Variants in THADA observed in about 807,000 individuals in gnomAD.
The protein encoded by THADA is tRNA (32-2'-O)-methyltransferase regulator THADA.
In THADA, 213 loss-of-function variants were observed where a neutral mutation model predicts 219.8. The ratio of observed to expected loss-of-function variants is 0.97; its 90% CI spans 0.87 to 1.09. THADA has a LOEUF of 1.09. Among genes scored for constraint, THADA ranks in the 50% least tolerant of loss-of-function variants. The pLI is 0.00. For missense variants in THADA, 2,956 were observed against 2,311.3 expected (o/e 1.28, Z -5.72); for synonymous variants, 1,018 against 828.9 (o/e 1.23, Z -3.92).
At chr2:43,292,251 A>G (rs1050820874) in intron 32 of THADA, 29 bp from the exon 33 acceptor site, 60 of 1,397,678 alleles carry the variant, frequency 4.3e-5, no homozygotes, top group Non-Finnish European at 5.8e-5. Flanking sequence ...CACACAAAAA[A>G]GAGAAATAAA....
At position 43,230,874 on chromosome 2, in the gene THADA, G is replaced by GT. The variant is rs1667331721; in HGVS notation, c.*73dup. 6.7e-7 allele frequency: 1 copy of GT among 1,494,938 alleles called. No individual in the cohort carries two copies. Among genetic ancestry groups the GT allele is most frequent in the Non-Finnish European group, 8.9e-7 (1 of 1,117,428 alleles). 92.6% of individuals were successfully genotyped at this position (1,494,938 alleles called of 1,614,324 possible). The stretch of plus-strand genomic sequence containing the variant: ...AATGGGATAAAATTTTTGAATTTAT[G>GT]TTCAACATGTTTCCTGCAGATTTAG... On this transcript the variant is annotated 3_prime_UTR_variant, in exon 38 of 38. Coordinates refer to ENST00000405975, the MANE Select transcript of THADA (RefSeq NM_022065.5).
intron 22 of THADA, among the ~76,000 whole-genome samples, chr2:43,512,765 G>T (rs1690659799): frequency 6.6e-6 from 1 of 152,194 alleles, no homozygotes; most frequent in African/African-American, 2.4e-5. Context: ...GCCTCCCAAA[G>T]TGCTGGGATT....
chr2:43,300,642 G>A (rs1299717454), intron 31 of THADA, among the ~76,000 whole-genome samples: 1 of 152,170 alleles, frequency 6.6e-6, no homozygotes, highest in Non-Finnish European at 1.5e-5. Context: ...GTCAGGGAGA[G>A]TTAGGAGAGA....
intron 1 of THADA, among the ~76,000 whole-genome samples, chr2:43,594,206 A>T (rs1449670207): frequency 2.6e-5 from 4 of 152,018 alleles, no homozygotes; most frequent in African/African-American, 4.8e-5. Context: ...CAATCTCTTT[A>T]AAAAAAACTC....
intron 26 of THADA, among the ~76,000 whole-genome samples, chr2:43,464,225 T>C (rs904419707): frequency 6.6e-6 from 1 of 152,194 alleles, no homozygotes; most frequent in African/African-American, 2.4e-5. Flanking sequence ...GAGCAACTTC[T>C]ATAATAGTAG....
rs200288894 is a variant in THADA at position 43,574,893 on chromosome 2, C to T, written c.1172G>A (p.Arg391Lys). The change falls in exon 11 of 38, where the codon AGA becomes AAA. Residue 391 changes from arginine (R) to lysine (K), a missense_variant. Arg to Lys is a conservative substitution (Grantham distance 26, BLOSUM62 2). Coordinates refer to ENST00000405975, the MANE Select transcript of THADA (RefSeq NM_022065.5). ...ATGGGTATAGACATATTCCAAAAGT[C>T]TCCCAACTATACTTGAATTCCCATT... ...SLNGNSSIVG[R>K]LLEYVYTHWE... The T allele has an allele frequency of 2.5e-4, 410 of 1,613,880 alleles. No individual in the cohort carries two copies. Among genetic ancestry groups the T allele is most frequent in the Non-Finnish European group, 3.4e-4 (399 of 1,179,914 alleles).
chr2:43,438,471 G>C (rs1035144706), intron 26 of THADA, among the ~76,000 whole-genome samples: 1 of 152,142 alleles, frequency 6.6e-6, no homozygotes, highest in Non-Finnish European at 1.5e-5. Flanking sequence ...TTGAAAGTCA[G>C]AGATGTGTTT....
At chr2:43,335,403 C>G (rs1471897531) in intron 30 of THADA, among the ~76,000 whole-genome samples, 1 of 152,152 alleles carries the variant, frequency 6.6e-6, no homozygotes, top group Non-Finnish European at 1.5e-5. Flanking sequence ...AATCCTCCAG[C>G]CTCTGTGGGC....
At chr2:43,276,648 G>C (rs1449939174) in intron 36 of THADA, among the ~76,000 whole-genome samples, 1 of 152,124 alleles carries the variant, frequency 6.6e-6, no homozygotes, top group African/African-American at 2.4e-5. Context: ...TTCTGAGGAA[G>C]GCAGGACAGA....
At chr2:43,258,871 T>G (rs537783582) in intron 36 of THADA, among the ~76,000 whole-genome samples, 1 of 151,934 alleles carries the variant, frequency 6.6e-6, no homozygotes, top group Middle Eastern at 3.2e-3. Flanking sequence ...TTTGGCCCCC[T>G]CCCCCTGCCA....
chr2:43,367,027 C>G (rs1286963811), intron 29 of THADA, among the ~76,000 whole-genome samples: 1 of 152,188 alleles, frequency 6.6e-6, no homozygotes, highest in Non-Finnish European at 1.5e-5. Context: ...AATTCTGACA[C>G]ATGCCAAAAC....
At chr2:43,386,966 C>T (rs867212897) in intron 29 of THADA, among the ~76,000 whole-genome samples, 3 of 151,488 alleles carry the variant, frequency 2.0e-5, no homozygotes, top group Non-Finnish European at 2.9e-5. Context: ...GATTTATCCA[C>T]GAGTTTCCTT....
intron 36 of THADA, among the ~76,000 whole-genome samples, chr2:43,273,692 T>C (rs1376821159): frequency 6.6e-6 from 1 of 152,156 alleles, no homozygotes; most frequent in African/African-American, 2.4e-5. Flanking sequence ...TGACTCAGTG[T>C]GAAGTCCCAC....
chr2:43,591,540 A>C lies in THADA; in HGVS notation c.171+412T>G, dbSNP rs188896823. On this transcript the variant is annotated intron_variant, in intron 3 of 37. Transcript: ENST00000405975. ...GCTGTAGCACTATTAAAAAACCAGT[A>C]ATACATTTACTTGCTTTCCAAAAAA... Among the ~76,000 whole-genome samples the C allele has an allele frequency of 2.4e-4, 37 of 152,224 alleles. No individual in the cohort carries two copies. In the East Asian group the frequency reaches 4.2e-3, roughly 17 times the overall value.
intron 29 of THADA, among the ~76,000 whole-genome samples, chr2:43,394,468 G>A (rs1673786334): frequency 6.6e-6 from 1 of 152,168 alleles, no homozygotes; most frequent in Non-Finnish European, 1.5e-5. Flanking sequence ...ATTATGAAAT[G>A]ATTTCCTGCT....
chr2:43,277,238 G>A (rs1672820960), intron 36 of THADA: 2 of 152,506 alleles, frequency 1.3e-5, no homozygotes, highest in Admixed American at 6.5e-5. Flanking sequence ...TGCAGAAGGA[G>A]ATCGGGCCTT....
intron 22 of THADA, among the ~76,000 whole-genome samples, chr2:43,515,518 C>A (rs922127774): frequency 1.4e-5 from 2 of 143,696 alleles, no homozygotes; most frequent in African/African-American, 5.2e-5. Context: ...ATGAAAAAAC[C>A]ATAAAGTATG....
At chr2:43,280,570 T>G (rs944537353) in intron 35 of THADA, among the ~76,000 whole-genome samples, 1 of 152,132 alleles carries the variant, frequency 6.6e-6, no homozygotes, top group Non-Finnish European at 1.5e-5. Flanking sequence ...AGGCAGAGGT[T>G]GCAGTGAACT....
intron 29 of THADA, among the ~76,000 whole-genome samples, chr2:43,365,709 G>A (rs1406296454): frequency 6.6e-6 from 1 of 151,976 alleles, no homozygotes; most frequent in Non-Finnish European, 1.5e-5. Context: ...AGAAGTAGAT[G>A]ATACCAGTAG....
Sources: allele counts gnomAD v4.1 joint callset (sites outside exome capture counted in the v4.1 genomes callset), GRCh38; gene constraint gnomAD v4.1.1; transcripts MANE v1.5; gene names NCBI Gene and HGNC (gene_info 2026-07-23, HGNC 2026-07-21).